GRM3: variants seen among roughly 807,000 people sequenced by gnomAD.
GRM3 encodes glutamate metabotropic receptor 3.
A neutral mutation model predicts 70.5 loss-of-function variants in GRM3; 26 were observed. The observed-to-expected ratio is 0.37, with a 90% CI of 0.27 to 0.51. The LOEUF is 0.51. Among genes scored for constraint, GRM3 ranks in the 20% least tolerant of loss-of-function variants. The pLI, the probability that GRM3 is intolerant of heterozygous loss-of-function variation, is 0.93. For synonymous variants in GRM3, 443 were observed against 434.9 expected (o/e 1.02, Z -0.23); for missense variants, 859 against 1,123.8 (o/e 0.76, Z 3.37).
chr7:86,778,998 C>T (rs544887251), intron 2 of GRM3, among the ~76,000 whole-genome samples: 2 of 152,144 alleles, frequency 1.3e-5, no homozygotes, highest in African/African-American at 2.4e-5. Context: ...CACACACACT[C>T]ATCATTGAAA....
intron 3 of GRM3, among the ~76,000 whole-genome samples, chr7:86,789,720 C>A (rs1797358775): frequency 6.6e-6 from 1 of 152,146 alleles, no homozygotes; most frequent in Non-Finnish European, 1.5e-5. Flanking sequence ...ATTCTTCTGA[C>A]AAGGGACACT....
At chr7:86,727,840 T>C (rs1228153252) in intron 1 of GRM3, among the ~76,000 whole-genome samples, 1 of 152,106 alleles carries the variant, frequency 6.6e-6, no homozygotes, top group African/African-American at 2.4e-5. Context: ...AAACTTGTAA[T>C]GGAACACAGC....
At chr7:86,772,926 C>A (rs879440505) in intron 2 of GRM3, among the ~76,000 whole-genome samples, 1 of 152,066 alleles carries the variant, frequency 6.6e-6, no homozygotes, top group African/African-American at 2.4e-5. Flanking sequence ...AAACTCTGTG[C>A]AGACTGACTA....
chr7:86,736,706 C>A lies in GRM3; in HGVS notation c.-140-28300C>A, dbSNP rs73194505. Among the ~76,000 whole-genome samples the A allele has an allele frequency of 1.6e-3, 237 of 152,232 alleles. 1 individual carries two copies. The highest frequency in any genetic ancestry group is 2.8e-3 in the Non-Finnish European group (192 of 68,014). On this transcript the variant is annotated intron_variant, in intron 1 of 5. Coordinates refer to ENST00000361669, the MANE Select transcript of GRM3 (RefSeq NM_000840.3). ...AAGAAACCTTCCAGGGGAAGGTTTA[C>A]ATGAGACATATTCCGCTCATATCCC...
At chr7:86,658,646 C>T (rs1367775904) in intron 1 of GRM3, among the ~76,000 whole-genome samples, 1 of 152,088 alleles carries the variant, frequency 6.6e-6, no homozygotes, top group African/African-American at 2.4e-5. Flanking sequence ...GTATATTACC[C>T]AGCAAAGTAA....
chr7:86,793,931 T>C (rs2116589126), intron 3 of GRM3, among the ~76,000 whole-genome samples: 1 of 152,250 alleles, frequency 6.6e-6, no homozygotes, highest in South Asian at 2.1e-4. Context: ...AAGAAATGGA[T>C]CATACCACCT....
intron 1 of GRM3, among the ~76,000 whole-genome samples, chr7:86,716,127 G>T (rs939612676): frequency 2.6e-5 from 4 of 151,982 alleles, no homozygotes; most frequent in Non-Finnish European, 4.4e-5. Flanking sequence ...TAGAGATAAA[G>T]ATCCTCAAAT....
intron 3 of GRM3, among the ~76,000 whole-genome samples, chr7:86,801,275 T>A (rs906836038): frequency 5.9e-5 from 9 of 152,204 alleles, no homozygotes; most frequent in African/African-American, 2.2e-4. Flanking sequence ...TTCACTATGT[T>A]GGCCAGGCTG....
chr7:86,752,335 A>G (rs919920621), intron 1 of GRM3, among the ~76,000 whole-genome samples: 3 of 152,162 alleles, frequency 2.0e-5, no homozygotes, highest in African/African-American at 7.2e-5. Flanking sequence ...TAACATACAC[A>G]TGCCATAATT....
intron 1 of GRM3, among the ~76,000 whole-genome samples, chr7:86,664,133 C>T (rs369006119): frequency 1.3e-5 from 2 of 151,824 alleles, no homozygotes; most frequent in East Asian, 3.9e-4. Context: ...GAAATAAGAG[C>T]ATCCATAATT....
At position 86,786,130 on chromosome 7, in the gene GRM3, A is replaced by G. The variant is rs1340540036; in HGVS notation, c.469-131A>G. ...CATCTGGTATTCATCTCAAGAACTAACAGAAAAATGTAGCCATCTAGAGTA... is the reference window on the plus strand; with the variant it reads ...CATCTGGTATTCATCTCAAGAACTAGCAGAAAAATGTAGCCATCTAGAGTA... On this transcript the variant is annotated intron_variant, in intron 2 of 5. Coordinates refer to ENST00000361669, the MANE Select transcript of GRM3 (RefSeq NM_000840.3). The surrounding 1 kb of genome is among the most constrained non-coding windows in gnomAD (Gnocchi z 6.0). 1.6e-5 allele frequency: 12 copies of G among 770,864 alleles called. No homozygotes were observed. The highest frequency in any genetic ancestry group is 2.6e-5 in the Non-Finnish European group (12 of 466,184). The allele number at this position is 770,864 out of a possible 1,614,324, so 47.8% of individuals were successfully genotyped here.
chr7:86,796,641 T>G (rs912316860), intron 3 of GRM3, among the ~76,000 whole-genome samples: 3 of 152,260 alleles, frequency 2.0e-5, no homozygotes, highest in African/African-American at 7.2e-5. Context: ...ATCTATAAAT[T>G]ACTTTGGGCA....
intron 5 of GRM3, among the ~76,000 whole-genome samples, chr7:86,856,492 T>C (rs1235852220): frequency 1.3e-5 from 2 of 151,064 alleles, no homozygotes; most frequent in Non-Finnish European, 1.5e-5. Context: ...AAGATAACTA[T>C]TGGGTACTGG....
intron 2 of GRM3, among the ~76,000 whole-genome samples, chr7:86,782,852 A>C (rs1053522240): frequency 6.6e-6 from 1 of 152,164 alleles, no homozygotes; most frequent in East Asian, 1.9e-4. Context: ...TATGTGAAGC[A>C]TATCTCTTTT....
chr7:86,828,103 C>G (rs1286085269), intron 3 of GRM3, among the ~76,000 whole-genome samples: 3 of 100,020 alleles, frequency 3.0e-5, no homozygotes, highest in African/African-American at 4.8e-5. Flanking sequence ...CTGAGCAGAA[C>G]TCCGTATCAA....
rs1298696774 is a variant in GRM3, at chr7:86,855,269, A to G, written c.2566+4725A>G. Among the ~76,000 whole-genome samples the G allele has an allele frequency of 2.6e-5, 4 of 152,184 alleles. No homozygotes were observed. The East Asian group carries it at 7.7e-4, about 29-fold the overall frequency. On this transcript the variant is annotated intron_variant, in intron 5 of 5. Transcript: ENST00000361669. ...AAGCTGGAAGTACACATGAAGTTACATAGCATAAAACCCTATAGGAGTCAT... is the reference window on the plus strand; with the variant it reads ...AAGCTGGAAGTACACATGAAGTTACGTAGCATAAAACCCTATAGGAGTCAT...
intron 1 of GRM3, among the ~76,000 whole-genome samples, chr7:86,646,049 G>T (rs1056929406): frequency 1.4e-5 from 2 of 146,716 alleles, no homozygotes. Flanking sequence ...GTCTGCTTTG[G>T]TTTATCTGAT....
intron 1 of GRM3, among the ~76,000 whole-genome samples, chr7:86,719,744 TA>T (rs1435913259): frequency 6.6e-6 from 1 of 151,850 alleles, no homozygotes; most frequent in Non-Finnish European, 1.5e-5. Context: ...AGAAGTATGA[TA>T]AAAGAGCATC....
At chr7:86,689,873 A>G (rs898023158) in intron 1 of GRM3, among the ~76,000 whole-genome samples, 4 of 152,152 alleles carry the variant, frequency 2.6e-5, no homozygotes, top group African/African-American at 9.6e-5. Flanking sequence ...ATATTTGCTT[A>G]TAAGTAAATT....
Sources: gnomAD v4.1 joint callset for allele counts (sites outside exome capture counted in the v4.1 genomes callset) on GRCh38, gnomAD v4.1.1 for gene constraint, Gnocchi (gnomAD v3.1) non-coding constraint, MANE v1.5 for transcripts, NCBI Gene and HGNC (gene_info 2026-07-23, HGNC 2026-07-21) for gene names.